The following BMP1 variants were observed in gnomAD, a reference collection of about 807,000 sequenced individuals.
BMP1 encodes mammalian tolloid protein.
In BMP1, 63 loss-of-function variants were observed where a neutral mutation model predicts 116.8. The ratio of observed to expected loss-of-function variants is 0.54; its 90% confidence interval spans 0.44 to 0.67. The LOEUF (loss-of-function observed/expected upper bound fraction) is 0.67, where lower values mean the gene tolerates loss of function less well. BMP1 is among the 30% of genes least tolerant of loss of function. The pLI is 0.00. For synonymous variants in BMP1, 536 were observed against 533.4 expected (o/e 1.00, Z -0.07); for missense variants, 1,183 against 1,358.9 (o/e 0.87, Z 2.04).
intron 1 of BMP1, among the ~76,000 whole-genome samples, chr8:22,168,261 C>T (rs184018368): frequency 2.0e-5 from 3 of 152,240 alleles, no homozygotes; most frequent in African/African-American, 7.2e-5. Context: ...CCCTCACTAG[C>T]CCTTGCCCAG....
intron 15 of BMP1, among the ~76,000 whole-genome samples, chr8:22,199,694 T>C (rs530251418): frequency 9.2e-5 from 14 of 152,326 alleles, no homozygotes; most frequent in Non-Finnish European, 1.6e-4. Context: ...CCAAAGCTTC[T>C]AGCACAGTCA....
rs1393221568 is a variant in BMP1 at position 22,211,976 on chromosome 8, G to A, written c.*248G>A. ...CAGAGCTTCCACAAGACATTTCGAA[G>A]TCATCATTCCTCTCTTAGGGGGCCC... On this transcript the variant is annotated 3_prime_UTR_variant, in exon 20 of 20. Coordinates refer to ENST00000306385, the MANE Select transcript of BMP1 (RefSeq NM_006129.5). 5 of 567,250 alleles carry A rather than the reference G, an allele frequency of 8.8e-6. No individual in the cohort carries two copies. Among genetic ancestry groups the A allele is most frequent in the African/African-American group, 7.5e-5 (4 of 53,288 alleles). 35.1% of individuals were successfully genotyped at this position (567,250 alleles called of 1,614,324 possible). A position where few individuals can be genotyped will look rare whatever the true frequency, so the allele number is the denominator to read the frequency against.
chr8:22,185,516 A>C (rs114306709), intron 8 of BMP1, among the ~76,000 whole-genome samples: 2,005 of 152,250 alleles, frequency 0.013, 37 homozygotes, highest in African/African-American at 0.045. Flanking sequence ...CAGAGGATCA[A>C]ACATTTGCAG....
chr8:22,176,395 G>A, intron 3 of BMP1, 82 bp downstream of exon 3: 2 of 1,558,088 alleles, frequency 1.3e-6, no homozygotes, highest in Non-Finnish European at 1.7e-6. Flanking sequence ...ACGGAGGCGT[G>A]GGTGCCACCT....
intron 13 of BMP1, among the ~76,000 whole-genome samples, chr8:22,195,880 C>T (rs1398244538): frequency 6.6e-6 from 1 of 152,016 alleles, no homozygotes; most frequent in East Asian, 1.9e-4. Context: ...AACTCCTGGC[C>T]TCAAGTACTC....
intron 8 of BMP1, among the ~76,000 whole-genome samples, chr8:22,184,639 G>A (rs921363926): frequency 6.6e-6 from 1 of 152,150 alleles, no homozygotes; most frequent in Non-Finnish European, 1.5e-5. Context: ...TAACAATCAG[G>A]TACCACGGAA....
At chr8:22,199,453 C>G in intron 15 of BMP1, 1 of 1,177,170 alleles carries the variant, frequency 8.5e-7, no homozygotes, top group South Asian at 1.6e-5. Context: ...GCAACCTGCT[C>G]CCCCCAGCTC....
At chr8:22,182,061 C>G (rs1828638242) in intron 8 of BMP1, among the ~76,000 whole-genome samples, 1 of 152,194 alleles carries the variant, frequency 6.6e-6, no homozygotes, top group Non-Finnish European at 1.5e-5. Flanking sequence ...AACCCCAGAC[C>G]TTCTGTGTCC....
At chr8:22,188,316 G>A (rs1181864883) in intron 8 of BMP1, among the ~76,000 whole-genome samples, 1 of 151,896 alleles carries the variant, frequency 6.6e-6, no homozygotes, top group Non-Finnish European at 1.5e-5. Context: ...CCACTGGCAT[G>A]CGCCATCATG....
In BMP1 at chr8:22,211,736, C is replaced by T. The variant is rs1829465319; in HGVS notation, c.*8C>T. 6.2e-7 allele frequency: 1 copy of T among 1,613,924 alleles called. No homozygotes were observed. Among genetic ancestry groups the T allele is most frequent in the Non-Finnish European group, 8.5e-7 (1 of 1,179,960 alleles). On this transcript the variant is annotated 3_prime_UTR_variant, in exon 20 of 20. Coordinates refer to ENST00000306385, the MANE Select transcript of BMP1 (RefSeq NM_006129.5). The stretch of plus-strand genomic sequence containing the variant: ...CTCCACAGCAGGAAGTGACCACTGC[C>T]TGAGCAGGGGCGGGGACTGGAGCCT...
At chr8:22,204,660 T>A (rs953626288) in intron 16 of BMP1, among the ~76,000 whole-genome samples, 10 of 151,910 alleles carry the variant, frequency 6.6e-5, no homozygotes, top group African/African-American at 2.4e-4. Context: ...GAGGCAGAGG[T>A]TGCAGTGAGC....
chr8:22,177,313 G>A (rs980558821), intron 5 of BMP1, among the ~76,000 whole-genome samples, 174 bp downstream of exon 5: 4 of 152,186 alleles, frequency 2.6e-5, no homozygotes, highest in Non-Finnish European at 4.4e-5. Flanking sequence ...TTCCTCCTCC[G>A]TGTCAGATCA....
chr8:22,181,301 C>T (rs538454801), intron 8 of BMP1, among the ~76,000 whole-genome samples: 58 of 152,280 alleles, frequency 3.8e-4, no homozygotes, highest in African/African-American at 1.3e-3. Flanking sequence ...GGGCTGGCTT[C>T]GGGCATACTA....
chr8:22,207,846 A>C (rs887044396), intron 18 of BMP1, among the ~76,000 whole-genome samples: 1 of 151,894 alleles, frequency 6.6e-6, no homozygotes, highest in African/African-American at 2.4e-5. Flanking sequence ...AATATACTCT[A>C]TTCATTCTCT....
In BMP1 at chr8:22,206,892, A is replaced by G. The variant is rs745349452; in HGVS notation, c.2272A>G (p.Ile758Val). The G allele has an allele frequency of 1.1e-5, 18 of 1,614,052 alleles. No homozygotes were observed. The Admixed American group carries it at 1.5e-4, about 13-fold the overall frequency. The change falls in exon 17 of 20, where the codon ATC becomes GTC. Residue 758 changes from isoleucine (I) to valine (V), a missense_variant. Around this residue, in one of 4 missense-constraint regions of BMP1, gnomAD observed 956 missense variants for 1,135.2 expected, o/e 0.84. Coordinates refer to ENST00000306385, the MANE Select transcript of BMP1 (RefSeq NM_006129.5). ...CAAGGTGACATCCACCAGTGGTACC[A>G]TCACCAGCCCCAACTGGCCTGACAA... Reference protein sequence around the residue: ...DHKVTSTSGTITSPNWPDKYP... With the variant: ...DHKVTSTSGTVTSPNWPDKYP...
At chr8:22,186,684 C>G (rs1828779898) in intron 8 of BMP1, among the ~76,000 whole-genome samples, 1 of 152,132 alleles carries the variant, frequency 6.6e-6, no homozygotes, top group South Asian at 2.1e-4. Flanking sequence ...CCAGTCTCGT[C>G]TTGAACTCCT....
intron 9 of BMP1, 114 bp from the exon 10 acceptor site, chr8:22,193,944 G>A: frequency 1.2e-6 from 1 of 808,206 alleles, no homozygotes; most frequent in Non-Finnish European, 2.1e-6. Flanking sequence ...GGGAATGTGT[G>A]AAGTAGGGTG....
intron 8 of BMP1, among the ~76,000 whole-genome samples, chr8:22,191,683 T>C (rs1261069067): frequency 6.6e-6 from 1 of 152,226 alleles, no homozygotes; most frequent in East Asian, 1.9e-4. Flanking sequence ...GGACCCTTCG[T>C]CGCTACTTCA....
At chr8:22,207,728 C>G (rs376686480) in intron 18 of BMP1, among the ~76,000 whole-genome samples, 1 of 152,130 alleles carries the variant, frequency 6.6e-6, no homozygotes, top group Non-Finnish European at 1.5e-5. Flanking sequence ...GCAGTGATGA[C>G]GATGGACAGG....
Sources: allele counts gnomAD v4.1 joint callset (sites outside exome capture counted in the v4.1 genomes callset), GRCh38; gene constraint gnomAD v4.1.1; regional missense constraint gnomAD v4.1.1; transcripts MANE v1.5; gene names NCBI Gene and HGNC (gene_info 2026-07-23, HGNC 2026-07-21).